SLC4A10: variants seen among roughly 807,000 people sequenced by gnomAD.
SLC4A10 encodes sodium-driven chloride bicarbonate exchanger.
SLC4A10 carries 42 observed loss-of-function variants against 137.7 expected under a neutral mutation model. That is an observed-to-expected ratio of 0.30 (90% CI 0.24 to 0.39). The LOEUF (loss-of-function observed/expected upper bound fraction) is 0.39, where lower values mean the gene tolerates loss of function less well. SLC4A10 is among the 10% of genes least tolerant of loss of function. The pLI is 1.00. For synonymous variants in SLC4A10, 474 were observed against 464.1 expected, an observed-to-expected ratio of 1.02 and a Z score of -0.27; for missense variants, 925 against 1,355.0, an observed-to-expected ratio of 0.68 and a Z score of 4.98.
At chr2:161,905,529 G>A (rs2105342251) in intron 14 of SLC4A10, 113 bp from the exon 15 acceptor site, 3 of 1,410,500 alleles carry the variant, frequency 2.1e-6, no homozygotes, top group African/African-American at 1.4e-5. Flanking sequence ...CTCATGGGAT[G>A]TGAAGCTTAT....
intron 1 of SLC4A10, among the ~76,000 whole-genome samples, chr2:161,655,135 A>G (rs1461554733): frequency 6.6e-6 from 1 of 151,762 alleles, no homozygotes; most frequent in Non-Finnish European, 1.5e-5. Flanking sequence ...TTTTCATGCT[A>G]TTGTCAATGT....
intron 1 of SLC4A10, among the ~76,000 whole-genome samples, chr2:161,636,138 T>C (rs1346838882): frequency 1.3e-5 from 2 of 152,172 alleles, no homozygotes; most frequent in African/African-American, 2.4e-5. Context: ...TTAGTATGAG[T>C]TTATTTTGGT....
intron 12 of SLC4A10, among the ~76,000 whole-genome samples, chr2:161,903,781 T>A (rs953164430): frequency 6.6e-6 from 1 of 152,064 alleles, no homozygotes; most frequent in Non-Finnish European, 1.5e-5. Flanking sequence ...GAACCTGGGA[T>A]TTTTGGTGGT....
chr2:161,643,680 C>T lies in SLC4A10; in HGVS notation c.48+19114C>T, dbSNP rs115894041. On this transcript the variant is annotated intron_variant, in intron 1 of 26. Coordinates refer to ENST00000446997, the MANE Select transcript of SLC4A10 (RefSeq NM_001178015.2). ...ATTTGGTTCTTATATTTGTGACTGA[C>T]GTGGTCTGCATAAGGCAAGATATTT... Among the ~76,000 whole-genome samples the T allele has an allele frequency of 4.8e-3, 726 of 152,146 alleles. 9 individuals are homozygous for T. Among genetic ancestry groups the T allele is most frequent in the African/African-American group, 0.017 (693 of 41,530 alleles).
At chr2:161,717,686 C>A (rs2045086595) in intron 1 of SLC4A10, among the ~76,000 whole-genome samples, 1 of 152,120 alleles carries the variant, frequency 6.6e-6, no homozygotes. Flanking sequence ...CTGCTGGATT[C>A]ATTTTGCCAG....
At chr2:161,642,954 A>G (rs1416861594) in intron 1 of SLC4A10, among the ~76,000 whole-genome samples, 1 of 152,030 alleles carries the variant, frequency 6.6e-6, no homozygotes, top group Non-Finnish European at 1.5e-5. Context: ...AGGTTAGAAT[A>G]TTAATGCTTT....
intron 11 of SLC4A10, 28 bp from the exon 12 acceptor site, chr2:161,900,883 A>G: frequency 7.0e-7 from 1 of 1,426,132 alleles, no homozygotes; most frequent in East Asian, 2.5e-5. Context: ...AAACAAAACA[A>G]AACACATGAA....
At chr2:161,914,665 A>G (rs1382789191) in intron 15 of SLC4A10, among the ~76,000 whole-genome samples, 2 of 149,976 alleles carry the variant, frequency 1.3e-5, no homozygotes, top group Non-Finnish European at 3.0e-5. Context: ...TTTTTTTTTT[A>G]TTATAAAAGC....
intron 10 of SLC4A10, among the ~76,000 whole-genome samples, chr2:161,885,957 T>A (rs1231649527): frequency 6.6e-6 from 1 of 151,590 alleles, no homozygotes; most frequent in Non-Finnish European, 1.5e-5. Flanking sequence ...TTCAAAAAAA[T>A]TTAGCTGCAT....
chr2:161,818,087 T>G (rs533542531), intron 3 of SLC4A10, among the ~76,000 whole-genome samples: 1 of 152,130 alleles, frequency 6.6e-6, no homozygotes, highest in African/African-American at 2.4e-5. Context: ...GCCATTTTCA[T>G]GATATTGATT....
At chr2:161,739,940 A>G (rs570801684) in intron 1 of SLC4A10, among the ~76,000 whole-genome samples, 1 of 152,216 alleles carries the variant, frequency 6.6e-6, no homozygotes, top group African/African-American at 2.4e-5. Context: ...TCAAATTTCC[A>G]TAGGGTCATG....
At chr2:161,961,885 A>G (rs1413409958) in intron 21 of SLC4A10, among the ~76,000 whole-genome samples, 1 of 152,222 alleles carries the variant, frequency 6.6e-6, no homozygotes, top group African/African-American at 2.4e-5. Flanking sequence ...TCTGGGGCAC[A>G]TGTTGATGAA....
chr2:161,881,028 T>C (rs2061738392), intron 9 of SLC4A10, among the ~76,000 whole-genome samples: 1 of 152,066 alleles, frequency 6.6e-6, no homozygotes, highest in South Asian at 2.1e-4. Flanking sequence ...TTAGGGCCAC[T>C]GTAGAGCAAC....
chr2:161,970,097 C>G (rs1355025378), intron 23 of SLC4A10, among the ~76,000 whole-genome samples: 2 of 152,162 alleles, frequency 1.3e-5, no homozygotes, highest in African/African-American at 4.8e-5. Context: ...CTGGGTGATT[C>G]TGGTGCTAAA....
chr2:161,684,243 C>G (rs1284202675), intron 1 of SLC4A10, among the ~76,000 whole-genome samples: 2 of 152,194 alleles, frequency 1.3e-5, no homozygotes, highest in African/African-American at 4.8e-5. Context: ...GGCTGAATAA[C>G]ATTCCATTGT....
rs182200879 is a variant in SLC4A10 at position 161,771,132 on chromosome 2, G to T, written c.130+78G>T. On this transcript the variant is annotated intron_variant, in intron 2 of 26. Transcript: ENST00000446997. ...ACAGATAAATGTAGTTTGTCACATT[G>T]TGAAGAATTGCAAAAGTTGGTATCA... 1,045 of 1,063,412 alleles carry T rather than the reference G, an allele frequency of 9.8e-4. 4 individuals carry two copies. Among genetic ancestry groups the T allele is most frequent in the African/African-American group, 5.4e-3 (341 of 63,352 alleles). 65.9% of individuals were successfully genotyped at this position (1,063,412 alleles called of 1,614,324 possible).
At chr2:161,954,798 T>C (rs1316268617) in intron 19 of SLC4A10, among the ~76,000 whole-genome samples, 1 of 152,228 alleles carries the variant, frequency 6.6e-6, no homozygotes, top group Non-Finnish European at 1.5e-5. Flanking sequence ...TTATTTCCTC[T>C]GAAAGAATTA....
intron 3 of SLC4A10, among the ~76,000 whole-genome samples, chr2:161,836,581 AAAG>A (rs1559359540): frequency 4.1e-5 from 5 of 121,156 alleles, no homozygotes; most frequent in Non-Finnish European, 8.9e-5. Context: ...AGAAAGAAAG[AAAG>A]AAAGAAAGAA....
At chr2:161,879,987 T>TA (rs1021989603) in intron 9 of SLC4A10, among the ~76,000 whole-genome samples, 18 of 151,538 alleles carry the variant, frequency 1.2e-4, no homozygotes, top group African/African-American at 3.4e-4. Flanking sequence ...ACTAAAACTG[T>TA]AAAAAAAAGA....
Sources: allele counts gnomAD v4.1 joint callset (sites outside exome capture counted in the v4.1 genomes callset), GRCh38; gene constraint gnomAD v4.1.1; transcripts MANE v1.5; gene names NCBI Gene and HGNC (gene_info 2026-07-23, HGNC 2026-07-21).